The following PIAS1 variants were observed in gnomAD, a reference collection of about 807,000 sequenced individuals.
PIAS1 encodes E3 SUMO-protein ligase PIAS1.
A neutral mutation model predicts 71.3 loss-of-function variants in PIAS1; 6 were observed. That is an observed-to-expected ratio of 0.08 (90% CI 0.05 to 0.17). The LOEUF (loss-of-function observed/expected upper bound fraction) is 0.17, where lower values mean the gene tolerates loss of function less well. Ranked by LOEUF, PIAS1 falls within the 10% of genes least tolerant of loss-of-function variation. The pLI, the probability that PIAS1 is intolerant of heterozygous loss-of-function variation, is 1.00. For missense variants in PIAS1, 555 were observed against 793.6 expected, an observed-to-expected ratio of 0.70 and a Z score of 3.61; for synonymous variants, 303 against 292.9, an observed-to-expected ratio of 1.03 and a Z score of -0.35.
At chr15:68,084,703 T>C (rs2092263286) in intron 1 of PIAS1, among the ~76,000 whole-genome samples, 1 of 152,204 alleles carries the variant, frequency 6.6e-6, no homozygotes, top group African/African-American at 2.4e-5. Flanking sequence ...TGCAGGCATT[T>C]GAAGAGTTTC....
intron 2 of PIAS1, among the ~76,000 whole-genome samples, chr15:68,106,001 A>G (rs141148918): frequency 3.0e-4 from 45 of 152,286 alleles, no homozygotes; most frequent in African/African-American, 1.1e-3. Flanking sequence ...CATTTAAAAA[A>G]TGATGTTTAC....
chr15:68,127,269 C>T (rs1030198442), intron 2 of PIAS1, among the ~76,000 whole-genome samples: 4 of 152,182 alleles, frequency 2.6e-5, no homozygotes, highest in Middle Eastern at 3.4e-3. Context: ...GACCCAGTTC[C>T]AGTTTTGAAT....
intron 6 of PIAS1, 128 bp from the exon 7 acceptor site, chr15:68,153,461 CT>C: frequency 1.7e-6 from 1 of 580,074 alleles, no homozygotes; most frequent in East Asian, 2.9e-5. Flanking sequence ...ATGAAAACAC[CT>C]AAGACTGCTT....
At chr15:68,112,532 C>T (rs150944112) in intron 2 of PIAS1, among the ~76,000 whole-genome samples, 2 of 152,102 alleles carry the variant, frequency 1.3e-5, no homozygotes, top group African/African-American at 4.8e-5. Flanking sequence ...GTAGTCATTT[C>T]CCAGTTTGGA....
intron 7 of PIAS1, among the ~76,000 whole-genome samples, chr15:68,155,780 A>G (rs1181446058): frequency 6.6e-6 from 1 of 152,136 alleles, no homozygotes; most frequent in Non-Finnish European, 1.5e-5. Context: ...ACAACTATGA[A>G]AAACAGTCTT....
intron 1 of PIAS1, among the ~76,000 whole-genome samples, chr15:68,077,106 T>C (rs1416877036): frequency 6.6e-6 from 1 of 152,212 alleles, no homozygotes; most frequent in African/African-American, 2.4e-5. Context: ...GTGAAAAAGA[T>C]AGAATAAAGG....
chr15:68,102,374 A>G (rs1354754696), intron 2 of PIAS1, among the ~76,000 whole-genome samples: 4 of 152,216 alleles, frequency 2.6e-5, no homozygotes, highest in Non-Finnish European at 5.9e-5. Flanking sequence ...ACTATGTAAT[A>G]AGTCATAAAA....
At chr15:68,133,539 G>A (rs903692958) in intron 2 of PIAS1, among the ~76,000 whole-genome samples, 18 of 152,030 alleles carry the variant, frequency 1.2e-4, no homozygotes, top group African/African-American at 4.1e-4. Context: ...AATTGGGAAC[G>A]TGGTCCAGAA....
At chr15:68,158,834 T>A (rs1425539632) in intron 7 of PIAS1, among the ~76,000 whole-genome samples, 1 of 152,200 alleles carries the variant, frequency 6.6e-6, no homozygotes, top group African/African-American at 2.4e-5. Flanking sequence ...ACACCAGTAA[T>A]AGAACAATCT....
chr15:68,054,331 C>G lies in PIAS1; in HGVS notation c.5C>G (p.Ala2Gly). The G allele has an allele frequency of 1.3e-6, 2 of 1,575,238 alleles. No homozygotes were observed. The highest frequency in any genetic ancestry group is 2.4e-5 in the East Asian group (1 of 42,298). Reference sequence around the variant, plus strand: ...GCTTGCGCTGACAGACGCAAGATGGCGGACAGTGCGGAACTAAAGGTAAAG... The same window carrying G: ...GCTTGCGCTGACAGACGCAAGATGGGGGACAGTGCGGAACTAAAGGTAAAG... M[A>G]DSAELKQMVM... The change falls in exon 1 of 14, where the codon GCG (alanine) becomes GGG (glycine). Residue 2 changes from alanine to glycine, a missense_variant. Ala to Gly is a moderately conservative substitution (Grantham distance 60). Transcript: ENST00000249636. The surrounding 1 kb of genome is among the most constrained non-coding windows in gnomAD (Gnocchi z 4.6).
At chr15:68,169,274 A>C (rs1352582326) in intron 8 of PIAS1, among the ~76,000 whole-genome samples, 1 of 152,244 alleles carries the variant, frequency 6.6e-6, no homozygotes, top group African/African-American at 2.4e-5. Context: ...TATTTGGAAA[A>C]TGTTTCTGAA....
At chr15:68,129,968 TGTG>T (rs2092678706) in intron 2 of PIAS1, among the ~76,000 whole-genome samples, 1 of 152,050 alleles carries the variant, frequency 6.6e-6, no homozygotes, top group African/African-American at 2.4e-5. Flanking sequence ...TGTAATCTCT[TGTG>T]GTTTTAATTT....
intron 6 of PIAS1, among the ~76,000 whole-genome samples, chr15:68,151,925 T>A (rs2092848985): frequency 7.1e-6 from 1 of 141,332 alleles, no homozygotes. Context: ...TGTTGTATGC[T>A]CTAAAATTTA....
rs902495123 is a variant in PIAS1 at position 68,173,519 on chromosome 15, A to T, written c.1009-213A>T. 1.3e-5 allele frequency among the ~76,000 whole-genome samples: 2 copies of T among 152,212 alleles called. No homozygotes were observed. Among genetic ancestry groups the T allele is most frequent in the Non-Finnish European group, 2.9e-5 (2 of 68,028 alleles). On this transcript the variant is annotated intron_variant, in intron 8 of 13. Transcript: ENST00000249636. The surrounding 1 kb of genome is among the most constrained non-coding windows in gnomAD (Gnocchi z 4.3). Reference sequence around the variant, plus strand: ...ATAACCCTTGTTGTAGACTTTCCATAGTCATTTTGTTTGATAGCCAAAGAA... The same window carrying T: ...ATAACCCTTGTTGTAGACTTTCCATTGTCATTTTGTTTGATAGCCAAAGAA...
rs1278429055 is a variant in PIAS1, at chr15:68,192,117, T to C, written c.*4282T>C. The C allele has an allele frequency of 6.6e-6, 1 of 152,252 alleles. No individual in the cohort carries two copies. The highest frequency in any genetic ancestry group is 1.5e-5 in the Non-Finnish European group (1 of 68,056). The allele number at this position is 152,252 out of a possible 1,614,324, so 9.4% of individuals were successfully genotyped here. On this transcript the variant is annotated 3_prime_UTR_variant, in exon 14 of 14. Transcript: ENST00000249636. The stretch of plus-strand genomic sequence containing the variant: ...TGCTCTTCCTGTGCCATCTAAATCA[T>C]TGGTATCTATCTCCCATCTAATCTT...
intron 2 of PIAS1, among the ~76,000 whole-genome samples, chr15:68,107,796 GA>G (rs879935780): frequency 3.7e-4 from 52 of 142,176 alleles, no homozygotes; most frequent in Middle Eastern, 7.6e-3. Flanking sequence ...ACACATTTAA[GA>G]AAAAAAAAAA....
At chr15:68,093,320 A>T (rs1045815469) in intron 2 of PIAS1, among the ~76,000 whole-genome samples, 1 of 152,272 alleles carries the variant, frequency 6.6e-6, no homozygotes, top group Non-Finnish European at 1.5e-5. Context: ...AACTAACATA[A>T]GCAAGTTTGA....
intron 6 of PIAS1, among the ~76,000 whole-genome samples, chr15:68,152,531 C>T (rs925278350): frequency 1.3e-5 from 2 of 152,156 alleles, no homozygotes; most frequent in African/African-American, 4.8e-5. Context: ...TAATCATGAG[C>T]AGATTGCATA....
rs117584649 is a variant in PIAS1 at position 68,177,724 on chromosome 15, A to G, written c.1481+1070A>G. On this transcript the variant is annotated intron_variant, in intron 11 of 13. Coordinates refer to ENST00000249636, the MANE Select transcript of PIAS1 (RefSeq NM_016166.3). ...GTGGTAAAACAAGTAGCATACTCCA[A>G]CTATACTCTCAAAACAGGCTGTTAG... Among the ~76,000 whole-genome samples the G allele has an allele frequency of 6.1e-3, 928 of 152,334 alleles. 3 individuals carry two copies. The highest frequency in any genetic ancestry group is 0.032 in the East Asian group (165 of 5,182).
Sources: gnomAD v4.1 joint callset for allele counts (sites outside exome capture counted in the v4.1 genomes callset) on GRCh38, gnomAD v4.1.1 for gene constraint, Gnocchi (gnomAD v3.1) non-coding constraint, MANE v1.5 for transcripts, NCBI Gene and HGNC (gene_info 2026-07-23, HGNC 2026-07-21) for gene names.